ATP11B: variants seen among roughly 807,000 people sequenced by gnomAD.
ATP11B encodes phospholipid-transporting ATPase IF.
ATP11B carries 81 observed loss-of-function variants against 157.8 expected under a neutral mutation model. The observed-to-expected ratio is 0.51, with a 90% confidence interval of 0.43 to 0.62. The LOEUF is 0.62. Among genes scored for constraint, ATP11B ranks in the 20% least tolerant of loss-of-function variants. The pLI, the probability that ATP11B is intolerant of heterozygous loss-of-function variation, is 0.00. For synonymous variants in ATP11B, 451 were observed against 469.4 expected, an observed-to-expected ratio of 0.96 and a Z score of 0.51; for missense variants, 1,165 against 1,402.2, an observed-to-expected ratio of 0.83 and a Z score of 2.70.
chr3:182,842,847 C>G (rs539959887), intron 8 of ATP11B, among the ~76,000 whole-genome samples: 27 of 152,298 alleles, frequency 1.8e-4, no homozygotes, highest in African/African-American at 6.5e-4. Flanking sequence ...AAAGAATATA[C>G]AATTCAGAAG....
In ATP11B at chr3:182,879,447, ATAT is replaced by A; in HGVS notation, c.2253-48_2253-46del. On this transcript the variant is annotated intron_variant, in intron 19 of 29. Coordinates refer to ENST00000323116, the MANE Select transcript of ATP11B (RefSeq NM_014616.3). ...GTGTTGTTCTATATGAGTGTAAATAATATGGCTTCAAAGTATCTTACAGAGAAT... is the reference window on the plus strand; with the variant it reads ...GTGTTGTTCTATATGAGTGTAAATAAGGCTTCAAAGTATCTTACAGAGAAT... 2.0e-6 allele frequency: 3 copies of A among 1,501,516 alleles called. No homozygotes were observed. The South Asian group carries it at 4.2e-5, about 21-fold the overall frequency. 93.0% of individuals were successfully genotyped at this position (1,501,516 alleles called of 1,614,324 possible).
rs554049082 is a variant in ATP11B at position 182,887,643 on chromosome 3, A to G, written c.2773A>G (p.Ile925Val). ...LYNICFTSLP[I>V]LIYSLLEQHV... ...CAATATTTGTTTTACTTCCCTACCT[A>G]TTCTGATATATAGTCTTTTGGAACA... The change falls in exon 24 of 30, where the codon ATT becomes GTT. Residue 925 changes from isoleucine (I) to valine (V), a missense_variant. Physicochemically the swap from Ile to Val is conservative, Grantham distance 29 (BLOSUM62 3). This residue lies in a region of ATP11B where 737 missense variants were observed against 930.5 expected (regional missense o/e 0.79). Transcript: ENST00000323116. The G allele has an allele frequency of 5.5e-5, 89 of 1,612,928 alleles. 2 individuals carry two copies. The South Asian group carries it at 8.2e-4, about 15-fold the overall frequency.
In ATP11B at chr3:182,803,446, G is replaced by A. The variant is rs576753080; in HGVS notation, c.27+9660G>A. 2.5e-4 allele frequency among the ~76,000 whole-genome samples: 38 copies of A among 152,220 alleles called. 1 individual carries two copies. The highest frequency in any genetic ancestry group is 2.6e-4 in the Admixed American group (4 of 15,300). ...ATATGTTGTAAATATCTTCTAGTCT[G>A]TTCCGTGTATTTAATTTAGTTTATG... is the stretch of plus-strand genomic sequence containing the variant. On this transcript the variant is annotated intron_variant, in intron 1 of 29. Transcript: ENST00000323116.
chr3:182,834,833 A>G (rs73883910), intron 4 of ATP11B, among the ~76,000 whole-genome samples: 3,029 of 152,300 alleles, frequency 0.02, 94 homozygotes, highest in African/African-American at 0.07. Context: ...AAATTCATGT[A>G]TAAGTTTTGA....
chr3:182,895,991 T>C (rs1469379141), intron 25 of ATP11B, among the ~76,000 whole-genome samples: 1 of 152,188 alleles, frequency 6.6e-6, no homozygotes, highest in Non-Finnish European at 1.5e-5. Context: ...GTCTGCAAAA[T>C]AGCAGGGAGC....
chr3:182,910,073 GAAAAAA>G (rs34483660), intron 28 of ATP11B, among the ~76,000 whole-genome samples: 1 of 63,388 alleles, frequency 1.6e-5, no homozygotes, highest in Non-Finnish European at 3.4e-5. Context: ...TCGGCCTCCA[GAAAAAA>G]AAAAAAAAAA....
At chr3:182,900,098 A>C (rs1461120062) in intron 28 of ATP11B, among the ~76,000 whole-genome samples, 1 of 152,196 alleles carries the variant, frequency 6.6e-6, no homozygotes, top group Non-Finnish European at 1.5e-5. Flanking sequence ...CCAGTGCATT[A>C]GTTTTAATTT....
At chr3:182,855,009 G>A (rs972554751) in intron 10 of ATP11B, among the ~76,000 whole-genome samples, 2 of 151,988 alleles carry the variant, frequency 1.3e-5, no homozygotes, top group African/African-American at 4.8e-5. Context: ...TCGATTAATA[G>A]GTATAATGCA....
intron 16 of ATP11B, 38 bp from the exon 17 acceptor site, chr3:182,869,190 A>G (rs760224491): frequency 1.3e-6 from 2 of 1,597,192 alleles, no homozygotes; most frequent in Admixed American, 1.7e-5. Context: ...TATTTATGTA[A>G]TATTAAGAGT....
intron 28 of ATP11B, among the ~76,000 whole-genome samples, chr3:182,905,051 C>A (rs1724247924): frequency 6.6e-6 from 1 of 151,972 alleles, no homozygotes; most frequent in South Asian, 2.1e-4. Context: ...CCCTTGAAAC[C>A]AAAAAATTCT....
rs988585309 is a variant in ATP11B at position 182,915,777 on chromosome 3, T to C, written c.3452+1783T>C. ...TCTTTTGAACCTGCCCCAGGAGTTATTGAATTTACTTTTACATGTTCTCTT... is the reference window on the plus strand; with the variant it reads ...TCTTTTGAACCTGCCCCAGGAGTTACTGAATTTACTTTTACATGTTCTCTT... On this transcript the variant is annotated intron_variant, in intron 29 of 29. Transcript: ENST00000323116. The C allele has an allele frequency of 3.0e-5, 30 of 984,924 alleles. 1 individual carries two copies. Among genetic ancestry groups the C allele is most frequent in the Middle Eastern group, 1.0e-3 (2 of 1,914 alleles). The allele number at this position is 984,924 out of a possible 1,614,324, so 61.0% of individuals were successfully genotyped here. A position where few individuals can be genotyped will look rare whatever the true frequency, so the allele number is the denominator to read the frequency against.
intron 1 of ATP11B, among the ~76,000 whole-genome samples, chr3:182,813,598 TC>T (rs1716797908): frequency 6.6e-6 from 1 of 152,216 alleles, no homozygotes; most frequent in African/African-American, 2.4e-5. Flanking sequence ...ATAAAAAGTT[TC>T]CTGCTAGCCC....
In ATP11B at chr3:182,920,986, A is replaced by G. The variant is rs1211129240; in HGVS notation, c.*2882A>G. On this transcript the variant is annotated 3_prime_UTR_variant, in exon 30 of 30. Transcript: ENST00000323116. ...TGCATTCTGCCCTACGGTTAGTACC[A>G]GGACTGAGGTCATTTCTACTGGAAA... 2 of 152,256 alleles carry G rather than the reference A, an allele frequency of 1.3e-5. No homozygotes were observed. The highest frequency in any genetic ancestry group is 2.9e-5 in the Non-Finnish European group (2 of 68,060). The allele number at this position is 152,256 out of a possible 1,614,324, so 9.4% of individuals were successfully genotyped here. A position where few individuals can be genotyped will look rare whatever the true frequency, so the allele number is the denominator to read the frequency against.
chr3:182,917,954 G>C, intron 29 of ATP11B, 69 bp from the exon 30 acceptor site: 1 of 1,584,512 alleles, frequency 6.3e-7, no homozygotes, highest in Admixed American at 1.7e-5. Context: ...CTAAGTTTTA[G>C]AGTAAATTTT....
At chr3:182,833,885 C>G (rs1023133472) in intron 4 of ATP11B, 1 of 152,148 alleles carries the variant, frequency 6.6e-6, no homozygotes, top group South Asian at 2.1e-4. Flanking sequence ...GTAAGTCTAA[C>G]TAATGTTTGA....
intron 2 of ATP11B, among the ~76,000 whole-genome samples, chr3:182,821,114 T>C (rs1717313882): frequency 6.6e-6 from 1 of 152,172 alleles, no homozygotes; most frequent in Non-Finnish European, 1.5e-5. Flanking sequence ...TTTTTTTTGT[T>C]TGCTTGTTTT....
At chr3:182,794,461 C>G (rs1011561469) in intron 1 of ATP11B, among the ~76,000 whole-genome samples, 2 of 152,186 alleles carry the variant, frequency 1.3e-5, no homozygotes, top group African/African-American at 2.4e-5. Context: ...TCCTTCCTAC[C>G]TCGTCCTCAC....
chr3:182,896,608 C>A (rs1211331512), intron 25 of ATP11B, 92 bp from the exon 26 acceptor site: 2 of 1,065,810 alleles, frequency 1.9e-6, no homozygotes, highest in African/African-American at 3.2e-5. Flanking sequence ...TTAAATAATT[C>A]AAGGGATTTT....
chr3:182,827,751 C>T (rs1401689492), intron 2 of ATP11B, among the ~76,000 whole-genome samples: 3 of 151,442 alleles, frequency 2.0e-5, no homozygotes, highest in South Asian at 2.1e-4. Context: ...TTTCTATCAA[C>T]TCATATTTAT....
Sources: gnomAD v4.1 joint callset for allele counts (sites outside exome capture counted in the v4.1 genomes callset) on GRCh38, gnomAD v4.1.1 for gene constraint, gnomAD v4.1.1 regional missense constraint, MANE v1.5 for transcripts, NCBI Gene and HGNC (gene_info 2026-07-23, HGNC 2026-07-21) for gene names.